The following MSRA variants were observed in gnomAD, a reference collection of about 807,000 sequenced individuals.
MSRA encodes mitochondrial peptide methionine sulfoxide reductase.
Under a neutral mutation model 31.3 loss-of-function variants are expected in MSRA, and 54 were observed. That is an observed-to-expected ratio of 1.73 (90% CI 1.39 to 2.17). The LOEUF (loss-of-function observed/expected upper bound fraction) is 2.17, where lower values mean the gene tolerates loss of function less well. MSRA is among the 30% of genes most tolerant of loss of function. The pLI, the probability that MSRA is intolerant of heterozygous loss-of-function variation, is 0.00. For synonymous variants in MSRA, 169 were observed against 116.5 expected, an observed-to-expected ratio of 1.45 and a Z score of -2.90; for missense variants, 507 against 300.9, an observed-to-expected ratio of 1.69 and a Z score of -5.07.
intron 1 of MSRA, among the ~76,000 whole-genome samples, chr8:10,196,373 A>T (rs1460733360): frequency 1.3e-5 from 2 of 152,068 alleles, no homozygotes; most frequent in African/African-American, 2.4e-5. Flanking sequence ...GGTGGGCCTT[A>T]TGCCTTAATT....
At chr8:10,223,358 T>A (rs571844338) in intron 2 of MSRA, among the ~76,000 whole-genome samples, 13 of 152,294 alleles carry the variant, frequency 8.5e-5, no homozygotes, top group African/African-American at 2.6e-4. Flanking sequence ...AAAGGAACAT[T>A]GTAATGTGAT....
intron 1 of MSRA, among the ~76,000 whole-genome samples, chr8:10,143,935 G>A (rs1238008188): frequency 6.6e-6 from 1 of 152,096 alleles, no homozygotes; most frequent in African/African-American, 2.4e-5. Context: ...TAGGAAGTCC[G>A]TGTCAAGAAG....
At chr8:10,336,489 T>A (rs1202842522) in intron 5 of MSRA, among the ~76,000 whole-genome samples, 1 of 152,116 alleles carries the variant, frequency 6.6e-6, no homozygotes, top group Non-Finnish European at 1.5e-5. Context: ...AAAGTCGTCA[T>A]TGAAAATTGC....
At chr8:10,402,434 C>T (rs1035241249) in intron 5 of MSRA, among the ~76,000 whole-genome samples, 14 of 152,354 alleles carry the variant, frequency 9.2e-5, no homozygotes, top group East Asian at 5.8e-4. Context: ...CCTCCACTTG[C>T]AGCTCCCACT....
intron 2 of MSRA, among the ~76,000 whole-genome samples, chr8:10,244,517 T>A (rs1318015273): frequency 1.3e-5 from 2 of 152,178 alleles, no homozygotes; most frequent in Non-Finnish European, 2.9e-5. Flanking sequence ...CTGCGTTCAT[T>A]ATATCCAGAA....
At chr8:10,377,387 C>T (rs1805815692) in intron 5 of MSRA, among the ~76,000 whole-genome samples, 2 of 152,246 alleles carry the variant, frequency 1.3e-5, no homozygotes, top group Admixed American at 1.3e-4. Flanking sequence ...TCTGATATTA[C>T]TAGTAGCAGT....
chr8:10,308,111 G>C (rs1801237222), intron 4 of MSRA, among the ~76,000 whole-genome samples: 1 of 152,206 alleles, frequency 6.6e-6, no homozygotes, highest in Non-Finnish European at 1.5e-5. Flanking sequence ...TAAGGAGCCA[G>C]AGTCACCATC....
At chr8:10,150,253 G>A (rs897295552) in intron 1 of MSRA, among the ~76,000 whole-genome samples, 1 of 152,078 alleles carries the variant, frequency 6.6e-6, no homozygotes, top group African/African-American at 2.4e-5. Flanking sequence ...GAGAGATGCT[G>A]CTAATTACAT....
intron 5 of MSRA, 137 bp from the exon 6 acceptor site, chr8:10,428,011 A>C: frequency 1.2e-6 from 1 of 820,102 alleles, no homozygotes; most frequent in Non-Finnish European, 1.9e-6. Context: ...GAATGCGGAG[A>C]GCCCGGCCTA....
intron 2 of MSRA, among the ~76,000 whole-genome samples, chr8:10,218,661 T>C (rs975011376): frequency 1.3e-5 from 2 of 152,228 alleles, no homozygotes; most frequent in Non-Finnish European, 2.9e-5. Context: ...TTTCCTTATG[T>C]ACCATTTTGC....
intron 1 of MSRA, among the ~76,000 whole-genome samples, chr8:10,154,758 A>G (rs1804005978): frequency 6.6e-6 from 1 of 152,214 alleles, no homozygotes; most frequent in South Asian, 2.1e-4. Context: ...ATGTTGAAGT[A>G]TAGATAAAAT....
At chr8:10,114,378 G>C (rs921051451) in intron 1 of MSRA, among the ~76,000 whole-genome samples, 1 of 152,094 alleles carries the variant, frequency 6.6e-6, no homozygotes, top group South Asian at 2.1e-4. Flanking sequence ...GGGCCATTTG[G>C]CAACCTATGT....
intron 3 of MSRA, among the ~76,000 whole-genome samples, chr8:10,262,375 C>A (rs1225336490): frequency 6.6e-6 from 1 of 152,180 alleles, no homozygotes; most frequent in Non-Finnish European, 1.5e-5. Context: ...TACATCCTTG[C>A]CAGCATTTGG....
At chr8:10,123,023 T>C (rs1157744991) in intron 1 of MSRA, among the ~76,000 whole-genome samples, 1 of 152,228 alleles carries the variant, frequency 6.6e-6, no homozygotes, top group Non-Finnish European at 1.5e-5. Flanking sequence ...AGGAGAATGA[T>C]TTATATTCCT....
chr8:10,198,594 G>C (rs1349859479), intron 1 of MSRA, among the ~76,000 whole-genome samples: 1 of 152,144 alleles, frequency 6.6e-6, no homozygotes, highest in Non-Finnish European at 1.5e-5. Context: ...GCAGTGACTA[G>C]GTCGAAGGGT....
chr8:10,282,876 A>G (rs2129107930), intron 3 of MSRA, among the ~76,000 whole-genome samples: 1 of 152,230 alleles, frequency 6.6e-6, no homozygotes, highest in South Asian at 2.1e-4. Flanking sequence ...TCTCCTCTAT[A>G]TACTGTGTTG....
intron 1 of MSRA, among the ~76,000 whole-genome samples, chr8:10,088,461 G>C (rs1182114009): frequency 6.6e-6 from 1 of 152,160 alleles, no homozygotes; most frequent in Non-Finnish European, 1.5e-5. Flanking sequence ...CTGGCCAGGC[G>C]TGGTGGCTCA....
At chr8:10,380,766 CTGGATGGA>C (rs928238719) in intron 5 of MSRA, among the ~76,000 whole-genome samples, 1 of 151,514 alleles carries the variant, frequency 6.6e-6, no homozygotes, top group African/African-American at 2.4e-5. Flanking sequence ...ACATGGATGG[CTGGATGGA>C]TGGATGGATG....
chr8:10,413,598 A>G (rs556329192), intron 5 of MSRA, among the ~76,000 whole-genome samples: 3 of 152,078 alleles, frequency 2.0e-5, no homozygotes, highest in South Asian at 2.1e-4. Context: ...AACTGAAAAA[A>G]TTAAAAGAAA....
Sources: allele counts gnomAD v4.1 joint callset (sites outside exome capture counted in the v4.1 genomes callset), GRCh38; gene constraint gnomAD v4.1.1; transcripts MANE v1.5; gene names NCBI Gene and HGNC (gene_info 2026-07-23, HGNC 2026-07-21).